Variants in COL27A1 observed in about 807,000 individuals in gnomAD.
COL27A1 encodes collagen alpha-1(XXVII) chain.
Under a neutral mutation model 251.3 loss-of-function variants are expected in COL27A1, and 106 were observed. The ratio of observed to expected loss-of-function variants is 0.42; its 90% CI spans 0.36 to 0.50. The LOEUF (loss-of-function observed/expected upper bound fraction) is 0.50. COL27A1 is among the 20% of genes least tolerant of loss of function. The pLI is 0.00. For missense variants in COL27A1, 2,325 were observed against 2,522.8 expected (o/e 0.92, Z 1.68); for synonymous variants, 1,000 against 986.3 (o/e 1.01, Z -0.26).
intron 1 of COL27A1, 53 bp from the exon 2 acceptor site, chr9:114,162,662 G>C: frequency 7.5e-7 from 1 of 1,339,296 alleles, no homozygotes; most frequent in Non-Finnish European, 1.1e-6. Context: ...GCCGGATCCG[G>C]GTGTGAGGGG....
intron 59 of COL27A1, 56 bp from the exon 60 acceptor site, chr9:114,309,204 G>A (rs190924432): frequency 5.8e-4 from 826 of 1,423,832 alleles, no homozygotes; most frequent in Non-Finnish European, 7.0e-4. Flanking sequence ...GGGAACCCTC[G>A]GTGTGGGGGG....
At chr9:114,282,202 G>T in intron 37 of COL27A1, 75 bp from the exon 38 acceptor site, 2 of 1,397,292 alleles carry the variant, frequency 1.4e-6, no homozygotes, top group South Asian at 2.4e-5. Context: ...CCGACAGTCT[G>T]ACCGCCTTGC....
chr9:114,195,928 C>T, intron 6 of COL27A1, 31 bp from the exon 7 acceptor site: 1 of 1,571,294 alleles, frequency 6.4e-7, no homozygotes, highest in Non-Finnish European at 8.8e-7. Context: ...TCCCGTTTTC[C>T]TGCCTCACCC....
chr9:114,157,687 AGT>A (rs1848213277), intron 1 of COL27A1, among the ~76,000 whole-genome samples: 7 of 152,340 alleles, frequency 4.6e-5, no homozygotes, highest in Admixed American at 4.6e-4. Flanking sequence ...AGGGGACAGC[AGT>A]GAGACACTCA....
At chr9:114,259,469 A>G (rs1440401130) in intron 28 of COL27A1, among the ~76,000 whole-genome samples, 1 of 149,168 alleles carries the variant, frequency 6.7e-6, no homozygotes. Context: ...TTATTATTTT[A>G]TTATTGGATT....
intron 1 of COL27A1, among the ~76,000 whole-genome samples, chr9:114,161,968 G>A (rs2135021456): frequency 6.6e-6 from 1 of 152,330 alleles, no homozygotes; most frequent in Non-Finnish European, 1.5e-5. Flanking sequence ...CTGTGAGATA[G>A]GGAATATCAG....
intron 17 of COL27A1, 74 bp downstream of exon 17, chr9:114,235,726 C>T (rs2135453990): frequency 8.6e-7 from 1 of 1,157,844 alleles, no homozygotes; most frequent in East Asian, 2.3e-5. Flanking sequence ...GGCTTCCTTC[C>T]TAGGGTCCAT....
Position 114,269,634 on chromosome 9 carries a change from A to AAAAAG in COL27A1, c.3555+342_3555+343insAAGAA, listed in dbSNP as rs796293254. 4.7e-3 allele frequency among the ~76,000 whole-genome samples: 536 copies of AAAAAG among 114,326 alleles called. 31 individuals are homozygous for AAAAAG. Among genetic ancestry groups the AAAAAG allele is most frequent in the African/African-American group, 0.02 (472 of 23,434 alleles). The allele number at this position is 114,326 out of a possible 152,430, so 75.0% of individuals were successfully genotyped here. On this transcript the variant is annotated intron_variant, in intron 35 of 60. Transcript: ENST00000356083. ...CATCTCAAAAAAAAAAAAAAAAAAA[A>AAAAAG]AAGAAGAAGAAGGATGTTGAGGTTC...
chr9:114,207,317 G>A (rs1830037039), intron 10 of COL27A1, among the ~76,000 whole-genome samples: 1 of 152,152 alleles, frequency 6.6e-6, no homozygotes, highest in Non-Finnish European at 1.5e-5. Context: ...GGGCGGGGAG[G>A]TGCATTCCCC....
chr9:114,241,787 A>G (rs988887780), intron 21 of COL27A1, among the ~76,000 whole-genome samples: 5 of 152,218 alleles, frequency 3.3e-5, no homozygotes, highest in African/African-American at 7.2e-5. Flanking sequence ...GCCACTTATT[A>G]TATTTGAGGA....
chr9:114,311,457 T>C lies in COL27A1; in HGVS notation c.*762T>C, dbSNP rs527561488. 20 of 148,614 alleles carry C rather than the reference T, an allele frequency of 1.3e-4. No individual in the cohort carries two copies. The highest frequency in any genetic ancestry group is 4.0e-4 in the African/African-American group (16 of 40,238). The allele number at this position is 148,614 out of a possible 1,614,324, so 9.2% of individuals were successfully genotyped here. ...TCCGCATCTTTCTCTCTCCTCCAAA[T>C]GACAAAGTTTGGGGAATTTTTGAAT... is the stretch of plus-strand genomic sequence containing the variant. On this transcript the variant is annotated 3_prime_UTR_variant, in exon 61 of 61. Coordinates refer to ENST00000356083, the MANE Select transcript of COL27A1 (RefSeq NM_032888.4).
intron 53 of COL27A1, 41 bp from the exon 54 acceptor site, chr9:114,301,404 C>A: frequency 6.2e-7 from 1 of 1,612,432 alleles, no homozygotes; most frequent in African/African-American, 1.3e-5. Flanking sequence ...ATGGCTCAGC[C>A]AGGTTCCCTA....
At chr9:114,181,494 C>T (rs1439239251) in intron 4 of COL27A1, among the ~76,000 whole-genome samples, 1 of 152,162 alleles carries the variant, frequency 6.6e-6, no homozygotes, top group Non-Finnish European at 1.5e-5. Flanking sequence ...AGTTCACACA[C>T]AGTTAGCCCG....
At chr9:114,220,154 G>C (rs1445611515) in intron 13 of COL27A1, among the ~76,000 whole-genome samples, 2 of 152,208 alleles carry the variant, frequency 1.3e-5, no homozygotes, top group African/African-American at 4.8e-5. Flanking sequence ...GGCCCCAGCT[G>C]CTGCCATCTT....
chr9:114,162,240 G>A (rs781011291), intron 1 of COL27A1, among the ~76,000 whole-genome samples: 7 of 152,174 alleles, frequency 4.6e-5, no homozygotes, highest in Admixed American at 6.5e-5. Context: ...TGGTCTTCCC[G>A]CTGACCTTTC....
chr9:114,173,279 T>C (rs978441961), intron 3 of COL27A1, among the ~76,000 whole-genome samples: 1 of 152,240 alleles, frequency 6.6e-6, no homozygotes, highest in Non-Finnish European at 1.5e-5. Context: ...GCTTGCACTT[T>C]TTGCAAATGT....
chr9:114,275,266 AT>A (rs1194915099), intron 36 of COL27A1, among the ~76,000 whole-genome samples: 3 of 151,846 alleles, frequency 2.0e-5, no homozygotes, highest in Non-Finnish European at 4.4e-5. Context: ...TGTCTAAAAA[AT>A]AAAAAAAAAA....
At chr9:114,253,848 C>T (rs371953206) in intron 27 of COL27A1, among the ~76,000 whole-genome samples, 3 of 152,186 alleles carry the variant, frequency 2.0e-5, no homozygotes, top group Admixed American at 2.0e-4. Flanking sequence ...CACTCATTCA[C>T]TCTGTAGTTA....
chr9:114,300,159 C>A, intron 50 of COL27A1, 36 bp downstream of exon 50: 1 of 1,572,892 alleles, frequency 6.4e-7, no homozygotes. Flanking sequence ...CCTGTGGGGT[C>A]CCATCCATTC....
Sources: allele counts gnomAD v4.1 joint callset (sites outside exome capture counted in the v4.1 genomes callset), GRCh38; gene constraint gnomAD v4.1.1; transcripts MANE v1.5; gene names NCBI Gene and HGNC (gene_info 2026-07-23, HGNC 2026-07-21).